BRINP3: variants seen among roughly 807,000 people sequenced by gnomAD.
BRINP3 encodes the protein BMP/retinoic acid inducible neural specific 3.
A neutral mutation model predicts 71.0 loss-of-function variants in BRINP3; 19 were observed. The ratio of observed to expected loss-of-function variants is 0.27; its 90% CI spans 0.19 to 0.39. BRINP3 has a LOEUF of 0.39. BRINP3 is among the 10% of genes least tolerant of loss of function. The pLI, the probability that BRINP3 is intolerant of heterozygous loss-of-function variation, is 1.00. For synonymous variants in BRINP3, 380 were observed against 337.7 expected (o/e 1.13, Z -1.37); for missense variants, 959 against 940.8 (o/e 1.02, Z -0.25).
At chr1:190,170,024 A>T (rs1394875451) in intron 6 of BRINP3, among the ~76,000 whole-genome samples, 1 of 152,176 alleles carries the variant, frequency 6.6e-6, no homozygotes, top group African/African-American at 2.4e-5. Context: ...ACGAAGTCTG[A>T]AAAAAGTAAG....
chr1:190,341,766 C>T (rs373153032), intron 2 of BRINP3, among the ~76,000 whole-genome samples: 77 of 151,836 alleles, frequency 5.1e-4, no homozygotes, highest in African/African-American at 1.8e-3. Context: ...TAAAAACATA[C>T]ACAGACACAG....
At chr1:190,279,374 T>C (rs1407101571) in intron 3 of BRINP3, among the ~76,000 whole-genome samples, 1 of 151,842 alleles carries the variant, frequency 6.6e-6, no homozygotes, top group Non-Finnish European at 1.5e-5. Context: ...GTTTTCAACA[T>C]TTATACTAAC....
At chr1:190,325,875 T>C (rs1666548351) in intron 2 of BRINP3, among the ~76,000 whole-genome samples, 1 of 152,138 alleles carries the variant, frequency 6.6e-6, no homozygotes, top group Admixed American at 6.6e-5. Context: ...AAGTGGATCC[T>C]ATTACATTAA....
At chr1:190,108,429 T>C (rs1184006525) in intron 7 of BRINP3, among the ~76,000 whole-genome samples, 1 of 151,860 alleles carries the variant, frequency 6.6e-6, no homozygotes, top group Non-Finnish European at 1.5e-5. Flanking sequence ...AGTCGGCTCA[T>C]TTAAAATACT....
At chr1:190,440,330 G>A (rs1272688345) in intron 2 of BRINP3, among the ~76,000 whole-genome samples, 1 of 151,684 alleles carries the variant, frequency 6.6e-6, no homozygotes, top group African/African-American at 2.4e-5. Context: ...TTTATGTTAA[G>A]CCACAGTGTT....
rs1666647474 is a variant in BRINP3 at position 190,327,292 on chromosome 1, G to C, written c.237-45542C>G. Among the ~76,000 whole-genome samples the C allele has an allele frequency of 5.2e-5, 6 of 115,622 alleles. No homozygotes were observed. In the Admixed American group the frequency reaches 7.7e-4, roughly 15 times the overall value. The allele number at this position is 115,622 out of a possible 152,430, so 75.9% of individuals were successfully genotyped here. On this transcript the variant is annotated intron_variant, in intron 2 of 7. Coordinates refer to ENST00000367462, the MANE Select transcript of BRINP3 (RefSeq NM_199051.3). ...ATCACGCCATTGTACTCTGGCCTGG[G>C]CAACAGAGCGAGGCTCCATCTCAAA...
At chr1:190,215,540 A>T (rs532359257) in intron 6 of BRINP3, among the ~76,000 whole-genome samples, 1 of 152,110 alleles carries the variant, frequency 6.6e-6, no homozygotes, top group African/African-American at 2.4e-5. Context: ...AAAGAAAATT[A>T]ATAGTTTACA....
At chr1:190,412,874 T>C (rs969148340) in intron 2 of BRINP3, among the ~76,000 whole-genome samples, 2 of 151,736 alleles carry the variant, frequency 1.3e-5, no homozygotes, top group Admixed American at 6.6e-5. Flanking sequence ...AGTAGTAATT[T>C]AAAAAATAAA....
chr1:190,301,174 T>TATACAC (rs1664665418), intron 2 of BRINP3, among the ~76,000 whole-genome samples: 2 of 58,092 alleles, frequency 3.4e-5, no homozygotes, highest in Admixed American at 5.4e-4. Context: ...TACATATATA[T>TATACAC]ACATATATAT....
At chr1:190,377,780 A>C (rs1231791168) in intron 2 of BRINP3, among the ~76,000 whole-genome samples, 1 of 151,808 alleles carries the variant, frequency 6.6e-6, no homozygotes, top group Non-Finnish European at 1.5e-5. Context: ...TATTCTACCT[A>C]CAACAGCATC....
At chr1:190,226,377 CTTAT>C (rs1657378834) in intron 5 of BRINP3, 59 bp from the exon 6 acceptor site, 1 of 944,504 alleles carries the variant, frequency 1.1e-6, no homozygotes, top group Non-Finnish European at 1.5e-6. Context: ...AATTAAAATA[CTTAT>C]TTATAATATT....
intron 7 of BRINP3, among the ~76,000 whole-genome samples, chr1:190,108,006 T>C (rs183040226): frequency 1.3e-5 from 2 of 152,132 alleles, no homozygotes; most frequent in African/African-American, 4.8e-5. Context: ...TAAAATGTAA[T>C]TTCAAAACTG....
chr1:190,472,116 G>A (rs1476291015), intron 1 of BRINP3, among the ~76,000 whole-genome samples: 1 of 151,290 alleles, frequency 6.6e-6, no homozygotes, highest in Non-Finnish European at 1.5e-5. Flanking sequence ...AATATATTTT[G>A]TTTTCATAAC....
intron 1 of BRINP3, among the ~76,000 whole-genome samples, chr1:190,457,483 C>T (rs1346545588): frequency 1.2e-5 from 1 of 83,856 alleles, no homozygotes; most frequent in African/African-American, 4.4e-5. Context: ...AAACACCCAG[C>T]CCTTCTACTA....
rs1267677738 is a variant in BRINP3 at position 190,461,498 on chromosome 1, A to G, written c.-50-6558T>C. On this transcript the variant is annotated intron_variant, in intron 1 of 7. Transcript: ENST00000367462. ...TGATATTTGCTTGCATGTTTGCCCT[A>G]TTTCCCTGCACATCTCCTTTCCTTC... Among the ~76,000 whole-genome samples, 3 of 152,124 alleles carry G rather than the reference A, an allele frequency of 2.0e-5. 1 individual carries two copies. The East Asian group carries it at 5.8e-4, about 29-fold the overall frequency.
chr1:190,364,446 CTA>C (rs1260563623), intron 2 of BRINP3, among the ~76,000 whole-genome samples: 1 of 151,938 alleles, frequency 6.6e-6, no homozygotes, highest in Non-Finnish European at 1.5e-5. Context: ...CAGTATCAGA[CTA>C]TGCAATAAAC....
At chr1:190,136,777 T>C (rs1412036264) in intron 7 of BRINP3, among the ~76,000 whole-genome samples, 1 of 152,104 alleles carries the variant, frequency 6.6e-6, no homozygotes. Flanking sequence ...AAAATACTAA[T>C]AGGAAGCAAA....
intron 6 of BRINP3, among the ~76,000 whole-genome samples, chr1:190,194,108 C>T (rs1654276354): frequency 6.6e-6 from 1 of 151,968 alleles, no homozygotes; most frequent in Non-Finnish European, 1.5e-5. Context: ...CTGAATTATC[C>T]AGATGTTCCC....
At chr1:190,419,647 T>C (rs1673231207) in intron 2 of BRINP3, among the ~76,000 whole-genome samples, 1 of 151,552 alleles carries the variant, frequency 6.6e-6, no homozygotes, top group South Asian at 2.1e-4. Context: ...ATTTTCTCTG[T>C]TCAGTTCCTA....
Sources: gnomAD v4.1 joint callset for allele counts (sites outside exome capture counted in the v4.1 genomes callset) on GRCh38, gnomAD v4.1.1 for gene constraint, MANE v1.5 for transcripts, NCBI Gene and HGNC (gene_info 2026-07-23, HGNC 2026-07-21) for gene names.